Variants in IL1RAPL1 observed in about 807,000 individuals in gnomAD.
IL1RAPL1 encodes the protein interleukin 1 receptor accessory protein like 1.
In IL1RAPL1, 3 loss-of-function variants were observed where a neutral mutation model predicts 48.4. The observed-to-expected ratio is 0.06, with a 90% CI of 0.03 to 0.16. IL1RAPL1 has a LOEUF of 0.16. Among genes scored for constraint, IL1RAPL1 ranks in the 10% least tolerant of loss-of-function variants. The pLI, the probability that IL1RAPL1 is intolerant of heterozygous loss-of-function variation, is 1.00. For missense variants in IL1RAPL1, 349 were observed against 530.6 expected (o/e 0.66, Z 3.36); for synonymous variants, 185 against 187.7 (o/e 0.99, Z 0.12).
At chrX:29,062,204 A>G (rs1473918947) in intron 2 of IL1RAPL1, among the ~76,000 whole-genome samples, 4 of 112,562 alleles carry the variant, frequency 3.6e-5, no homozygotes, top group Admixed American at 9.4e-5. Context: ...AAACACAGGT[A>G]TAGTCTCCTA....
At chrX:29,193,856 G>T (rs1930396255) in intron 2 of IL1RAPL1, among the ~76,000 whole-genome samples, 1 of 111,759 alleles carries the variant, frequency 8.9e-6, no homozygotes, top group African/African-American at 3.2e-5. Context: ...TTGTACTAGG[G>T]TTACATGTTA....
intron 1 of IL1RAPL1, among the ~76,000 whole-genome samples, chrX:28,734,065 G>T (rs1402551648): frequency 9.0e-6 from 1 of 111,062 alleles, no homozygotes; most frequent in Non-Finnish European, 1.9e-5. Flanking sequence ...ACTTTCTGTT[G>T]GCTTGACCTT....
At chrX:28,851,480 C>T (rs908856775) in intron 2 of IL1RAPL1, among the ~76,000 whole-genome samples, 1 of 110,825 alleles carries the variant, frequency 9.0e-6, no homozygotes, top group Admixed American at 9.7e-5. Flanking sequence ...AAAGTATTAT[C>T]GGCATACTAA....
intron 2 of IL1RAPL1, among the ~76,000 whole-genome samples, chrX:28,824,242 A>C (rs1403698153): frequency 5.4e-5 from 6 of 110,813 alleles, no homozygotes; most frequent in African/African-American, 1.6e-4. Context: ...CCATCTGGGT[A>C]CTCCAAAAGA....
intron 6 of IL1RAPL1, among the ~76,000 whole-genome samples, chrX:29,800,037 G>A (rs773403393): frequency 9.0e-6 from 1 of 111,618 alleles, no homozygotes; most frequent in Non-Finnish European, 1.9e-5. Flanking sequence ...TATCCCCACA[G>A]CACAAAGAAA....
At chrX:29,485,471 C>T (rs12862029) in intron 5 of IL1RAPL1, among the ~76,000 whole-genome samples, 44,612 of 109,976 alleles carry the variant, frequency 0.41, 7,110 homozygotes, top group East Asian at 0.7. Context: ...TAGTACTATT[C>T]TTCCTCCTAG....
intron 6 of IL1RAPL1, among the ~76,000 whole-genome samples, chrX:29,703,491 C>T (rs973266226): frequency 1.6e-4 from 18 of 110,323 alleles, no homozygotes; most frequent in Non-Finnish European, 3.0e-4. Flanking sequence ...TACAGGCGCC[C>T]GCCACCACGC....
chrX:28,847,868 C>T (rs967962872), intron 2 of IL1RAPL1, among the ~76,000 whole-genome samples: 7 of 111,804 alleles, frequency 6.3e-5, no homozygotes, highest in Non-Finnish European at 5.6e-5. Context: ...TGTCTGTCTC[C>T]CTTCACTTCA....
intron 2 of IL1RAPL1, among the ~76,000 whole-genome samples, chrX:29,037,088 G>T (rs891723455): frequency 9.0e-6 from 1 of 111,711 alleles, no homozygotes; most frequent in Non-Finnish European, 1.9e-5. Context: ...GTGCTAAATG[G>T]CTTTGTAACT....
At chrX:28,931,297 C>T (rs1045747995) in intron 2 of IL1RAPL1, among the ~76,000 whole-genome samples, 2 of 111,732 alleles carry the variant, frequency 1.8e-5, no homozygotes, top group Non-Finnish European at 3.8e-5. Flanking sequence ...TAAAGGCTAA[C>T]ATTATGGAAA....
chrX:29,421,920 C>T (rs940277646), intron 5 of IL1RAPL1, among the ~76,000 whole-genome samples: 2 of 111,442 alleles, frequency 1.8e-5, no homozygotes, highest in East Asian at 2.8e-4. Flanking sequence ...TCGCCTTCAC[C>T]CTCTGAAGAT....
At chrX:29,074,296 T>G (rs1381200584) in intron 2 of IL1RAPL1, among the ~76,000 whole-genome samples, 1 of 111,557 alleles carries the variant, frequency 9.0e-6, no homozygotes, top group African/African-American at 3.3e-5. Flanking sequence ...GTTGTGGCGA[T>G]GGATGGCCTA....
intron 2 of IL1RAPL1, among the ~76,000 whole-genome samples, chrX:28,998,163 A>AT (rs1005582096): frequency 4.0e-4 from 44 of 109,867 alleles, no homozygotes; most frequent in Middle Eastern, 4.6e-3. Context: ...TTATTTATTT[A>AT]TTTTTTTTAG....
At chrX:28,648,724 G>A (rs1385136144) in intron 1 of IL1RAPL1, among the ~76,000 whole-genome samples, 1 of 111,669 alleles carries the variant, frequency 9.0e-6, no homozygotes, top group Non-Finnish European at 1.9e-5. Context: ...TTTTGAGACA[G>A]GATTTCAAAA....
intron 1 of IL1RAPL1, among the ~76,000 whole-genome samples, chrX:28,748,499 A>G (rs762874126): frequency 8.9e-6 from 1 of 111,960 alleles, no homozygotes; most frequent in Admixed American, 9.5e-5. Flanking sequence ...TGTATGTTCA[A>G]CAAAATTTGT....
intron 5 of IL1RAPL1, among the ~76,000 whole-genome samples, chrX:29,563,312 A>G (rs1361235586): frequency 3.6e-5 from 4 of 111,768 alleles, no homozygotes; most frequent in South Asian, 3.7e-4. Context: ...TTTTGTCCCA[A>G]TTGAATTTTA....
chrX:29,901,075 C>T (rs1038260308), intron 6 of IL1RAPL1, among the ~76,000 whole-genome samples: 3 of 111,729 alleles, frequency 2.7e-5, no homozygotes, highest in Non-Finnish European at 5.6e-5. Flanking sequence ...TGGTGGAAGC[C>T]AGTTCACTGA....
chrX:29,912,085 T>G (rs1230715839), intron 6 of IL1RAPL1, among the ~76,000 whole-genome samples: 3 of 112,143 alleles, frequency 2.7e-5, no homozygotes, highest in African/African-American at 9.7e-5. Context: ...TTTTTTGTAT[T>G]TCTATAATTT....
chrX:28,726,660 A>G (rs778310411), intron 1 of IL1RAPL1, among the ~76,000 whole-genome samples: 3 of 112,425 alleles, frequency 2.7e-5, no homozygotes, highest in Non-Finnish European at 5.6e-5. Context: ...GCACTATTCA[A>G]TTCACTCTAC....
Sources: gnomAD v4.1 joint callset for allele counts (sites outside exome capture counted in the v4.1 genomes callset) on GRCh38, gnomAD v4.1.1 for gene constraint, MANE v1.5 for transcripts, NCBI Gene and HGNC (gene_info 2026-07-23, HGNC 2026-07-21) for gene names.